The following STRN variants were observed in gnomAD, a reference collection of about 807,000 sequenced individuals.
STRN encodes striatin.
Under a neutral mutation model 96.3 loss-of-function variants are expected in STRN, and 53 were observed. That is an observed-to-expected ratio of 0.55 (90% CI 0.44 to 0.69). The LOEUF (loss-of-function observed/expected upper bound fraction) is 0.69, where lower values mean the gene tolerates loss of function less well. Ranked by LOEUF, STRN falls within the 30% of genes least tolerant of loss-of-function variation. STRN has a pLI of 0.00. For synonymous variants in STRN, 428 were observed against 355.9 expected (o/e 1.20, Z -2.28); for missense variants, 987 against 963.9 (o/e 1.02, Z -0.32).
intron 3 of STRN, among the ~76,000 whole-genome samples, chr2:36,909,272 T>C (rs895986354): frequency 6.6e-6 from 1 of 152,136 alleles, no homozygotes; most frequent in African/African-American, 2.4e-5. Flanking sequence ...TAAGCAGTCA[T>C]TAACTATCAC....
intron 9 of STRN, among the ~76,000 whole-genome samples, chr2:36,881,294 A>G (rs912841735): frequency 6.6e-6 from 1 of 151,918 alleles, no homozygotes; most frequent in African/African-American, 2.4e-5. Flanking sequence ...TGTCCAGCTA[A>G]TTTTTGTATT....
At chr2:36,895,366 A>G (rs1669511761) in intron 6 of STRN, among the ~76,000 whole-genome samples, 2 of 151,888 alleles carry the variant, frequency 1.3e-5, no homozygotes, top group Non-Finnish European at 2.9e-5. Context: ...AAATCAAAGG[A>G]TTATTTAATG....
intron 15 of STRN, among the ~76,000 whole-genome samples, chr2:36,853,232 A>C (rs969598332): frequency 2.0e-5 from 3 of 152,222 alleles, no homozygotes; most frequent in Non-Finnish European, 4.4e-5. Context: ...CCTGGTTTAG[A>C]TCCTAAACAA....
Position 36,849,456 on chromosome 2 carries a change from T to C in STRN, c.2343A>G (p.Ter781TrpextTer12). ...GADALAKVFV[*>W] ...TAGAAGGTGAAGATGATGCATTGCG[T>C]CATACAAAGACTTTAGCCAGTGCGT... The change falls in exon 18 of 18, where the codon TGA (stop) becomes TGG (tryptophan). Residue 781 changes from the stop codon to tryptophan, a stop_lost. Coordinates refer to ENST00000263918, the MANE Select transcript of STRN (RefSeq NM_003162.4). The C allele has an allele frequency of 6.2e-7, 1 of 1,613,938 alleles. No homozygotes were observed. The highest frequency in any genetic ancestry group is 8.5e-7 in the Non-Finnish European group (1 of 1,179,894).
intron 15 of STRN, among the ~76,000 whole-genome samples, chr2:36,852,475 T>C (rs920396283): frequency 3.9e-5 from 6 of 152,164 alleles, no homozygotes; most frequent in Admixed American, 2.0e-4. Context: ...CCCTTGATCT[T>C]AGAATTACAC....
rs61512119 is a variant in STRN, at chr2:36,888,093, C to A, written c.932-1267G>T. On this transcript the variant is annotated intron_variant, in intron 7 of 17. Transcript: ENST00000263918. ...ATTCCATACGTGCACTTTTTCAGAG[C>A]AAAACCCATTCTTTCCCACTCCACA... Among the ~76,000 whole-genome samples the A allele has an allele frequency of 4.8e-3, 726 of 152,238 alleles. 5 individuals are homozygous for A. Among genetic ancestry groups the A allele is most frequent in the African/African-American group, 0.017 (705 of 41,544 alleles).
chr2:36,855,149 G>T, intron 15 of STRN, 63 bp downstream of exon 15: 2 of 1,540,080 alleles, frequency 1.3e-6, no homozygotes, highest in Admixed American at 3.5e-5. Context: ...GCTGACTCTA[G>T]TAGTCGTAAT....
At chr2:36,937,356 AAAG>A (rs1378310178) in intron 1 of STRN, among the ~76,000 whole-genome samples, 35 of 150,108 alleles carry the variant, frequency 2.3e-4, no homozygotes, top group African/African-American at 6.9e-4. Flanking sequence ...AAAAAAAAAA[AAAG>A]AAAAGAAAAG....
At chr2:36,876,479 T>C (rs1449195517) in intron 10 of STRN, among the ~76,000 whole-genome samples, 2 of 152,026 alleles carry the variant, frequency 1.3e-5, no homozygotes, top group Non-Finnish European at 2.9e-5. Flanking sequence ...GCAAACAGGT[T>C]GGGAGTTTTT....
chr2:36,909,384 ACTG>A (rs925624528), intron 3 of STRN, among the ~76,000 whole-genome samples: 6 of 152,120 alleles, frequency 3.9e-5, no homozygotes, highest in Admixed American at 6.5e-5. Flanking sequence ...AAAGTATTTG[ACTG>A]CTATTTCCTG....
Position 36,842,969 on chromosome 2 carries a change from C to A in STRN, c.*6487G>T, listed in dbSNP as rs1302676699. Among the ~76,000 whole-genome samples the A allele has an allele frequency of 6.6e-6, 1 of 152,116 alleles. No homozygotes were observed. Among genetic ancestry groups the A allele is most frequent in the Non-Finnish European group, 1.5e-5 (1 of 68,012 alleles). On this transcript the variant is annotated 3_prime_UTR_variant, in exon 18 of 18. Coordinates refer to ENST00000263918, the MANE Select transcript of STRN (RefSeq NM_003162.4). ...AGGACAATGCTGGGGCCCTGCAAAACATCAGTGATCTTGGGAAACCCAGAG... is the reference window on the plus strand; with the variant it reads ...AGGACAATGCTGGGGCCCTGCAAAAAATCAGTGATCTTGGGAAACCCAGAG...
At chr2:36,859,192 G>T (rs1668418912) in intron 13 of STRN, among the ~76,000 whole-genome samples, 1 of 152,204 alleles carries the variant, frequency 6.6e-6, no homozygotes, top group Non-Finnish European at 1.5e-5. Context: ...TGTCTCCAGG[G>T]GCAGCAGGAT....
At chr2:36,855,837 AG>A (rs1386971141) in intron 14 of STRN, among the ~76,000 whole-genome samples, 4 of 152,220 alleles carry the variant, frequency 2.6e-5, no homozygotes, top group African/African-American at 9.6e-5. Context: ...AAGCCTGGAA[AG>A]AAGTTATAAT....
intron 12 of STRN, among the ~76,000 whole-genome samples, chr2:36,865,354 G>T (rs1157434062): frequency 1.3e-5 from 2 of 152,020 alleles, no homozygotes; most frequent in Non-Finnish European, 2.9e-5. Context: ...TGTTTATTTG[G>T]ATCTTCTCTT....
intron 1 of STRN, among the ~76,000 whole-genome samples, chr2:36,949,500 G>A (rs1664700563): frequency 6.6e-6 from 1 of 152,222 alleles, no homozygotes; most frequent in African/African-American, 2.4e-5. Context: ...AACCAGAAGT[G>A]AAATATTAGG....
chr2:36,916,121 T>C lies in STRN; in HGVS notation c.369A>G (p.Thr123=). The change falls in exon 3 of 18, where the codon ACA becomes ACG. Residue 123 remains threonine (T), a synonymous_variant. Transcript: ENST00000263918. The stretch of plus-strand genomic sequence containing the variant: ...GCTTCATATCTCCCTGATTCAATTC[T>C]GTCCCGTATTTCAACTTGTGGTATT... ...RAKYHKLKYG[T]ELNQGDMKPP... The C allele has an allele frequency of 6.2e-7, 1 of 1,613,726 alleles. No individual in the cohort carries two copies. The highest frequency in any genetic ancestry group is 8.5e-7 in the Non-Finnish European group (1 of 1,179,844).
intron 6 of STRN, among the ~76,000 whole-genome samples, chr2:36,896,814 T>G (rs1669552147): frequency 2.6e-5 from 4 of 152,218 alleles, no homozygotes; most frequent in Admixed American, 2.0e-4. Flanking sequence ...CATGCATGTA[T>G]AATCTCAGAG....
Position 36,845,298 on chromosome 2 carries a change from T to C in STRN, c.*4158A>G, listed in dbSNP as rs1426816898. On this transcript the variant is annotated 3_prime_UTR_variant, in exon 18 of 18. Transcript: ENST00000263918. The stretch of plus-strand genomic sequence containing the variant: ...TAATTCTAAGCCTTTCAGTCTGATT[T>C]GTGACATCTTAATACAATATAACTT... The C allele has an allele frequency of 6.6e-6, 1 of 152,184 alleles. No homozygotes were observed. The highest frequency in any genetic ancestry group is 2.4e-5 in the African/African-American group (1 of 41,452). 9.4% of individuals were successfully genotyped at this position (152,184 alleles called of 1,614,324 possible). A position where few individuals can be genotyped will look rare whatever the true frequency, so the allele number is the denominator to read the frequency against.
At chr2:36,903,291 A>C (rs1669736996) in intron 4 of STRN, among the ~76,000 whole-genome samples, 1 of 152,226 alleles carries the variant, frequency 6.6e-6, no homozygotes, top group Non-Finnish European at 1.5e-5. Flanking sequence ...GGGTGTGTGT[A>C]CACATGTGTG....
Sources: allele counts gnomAD v4.1 joint callset (sites outside exome capture counted in the v4.1 genomes callset), GRCh38; gene constraint gnomAD v4.1.1; transcripts MANE v1.5; gene names NCBI Gene and HGNC (gene_info 2026-07-23, HGNC 2026-07-21).